EPC2: variants seen among roughly 807,000 people sequenced by gnomAD.
EPC2 encodes the protein enhancer of polycomb homolog 2.
A neutral mutation model predicts 92.1 loss-of-function variants in EPC2; 14 were observed. That is an observed-to-expected ratio of 0.15 (90% confidence interval 0.10 to 0.24). The LOEUF (loss-of-function observed/expected upper bound fraction) is 0.24. Ranked by LOEUF, EPC2 falls within the 10% of genes least tolerant of loss-of-function variation. EPC2 has a pLI of 1.00. For missense variants in EPC2, 755 were observed against 971.5 expected, an observed-to-expected ratio of 0.78 and a Z score of 2.96; for synonymous variants, 340 against 334.7, an observed-to-expected ratio of 1.02 and a Z score of -0.17.
At chr2:148,743,343 A>G (rs1255304228) in intron 2 of EPC2, among the ~76,000 whole-genome samples, 1 of 152,152 alleles carries the variant, frequency 6.6e-6, no homozygotes, top group Non-Finnish European at 1.5e-5. Flanking sequence ...GTCAACATGT[A>G]TATGTCATCT....
rs200396204 is a variant in EPC2, at chr2:148,783,737, C to T, written c.1998C>T (p.Asn666=). Residue 666 remains asparagine (N), a synonymous_variant, in exon 12 of 14, where the codon AAC becomes AAT. Transcript: ENST00000258484. ...KEQNTGHNNI[N]GVVQPSGTSK... The stretch of plus-strand genomic sequence containing the variant: ...AGAACACTGGCCACAACAACATAAA[C>T]GGTGTTGTCCAGCCTTCAGGTACAG... 2.5e-5 allele frequency: 40 copies of T among 1,591,544 alleles called. No individual in the cohort carries two copies. The highest frequency in any genetic ancestry group is 6.8e-5 in the East Asian group (3 of 44,286).
chr2:148,690,320 A>G lies in EPC2; in HGVS notation c.260A>G (p.Asn87Ser), dbSNP rs770479432. 7.4e-6 allele frequency: 12 copies of G among 1,612,332 alleles called. No individual in the cohort carries two copies. In the Admixed American group the frequency reaches 2.0e-4, roughly 27 times the overall value. The change falls in exon 2 of 14, where the codon AAT becomes AGT. Residue 87 changes from asparagine (N) to serine (S), a missense_variant. This residue lies in a region of EPC2 where 509 missense variants were observed against 607.7 expected (regional missense o/e 0.84). Coordinates refer to ENST00000258484, the MANE Select transcript of EPC2 (RefSeq NM_015630.4). ...PEAESNVNYY[N>S]RLYKGEFKQP... ...GCAGAGAGCAACGTCAACTATTACA[A>G]TCGCTTGTACAAAGGAGAGTTTAAA...
intron 1 of EPC2, among the ~76,000 whole-genome samples, chr2:148,676,130 T>G (rs1681257321): frequency 6.6e-6 from 1 of 151,936 alleles, no homozygotes; most frequent in African/African-American, 2.4e-5. Context: ...TTACTTAGTT[T>G]TTTTTTTTTT....
At chr2:148,646,418 T>A (rs527980957) in intron 1 of EPC2, among the ~76,000 whole-genome samples, 88 of 152,282 alleles carry the variant, frequency 5.8e-4, no homozygotes, top group African/African-American at 2.1e-3. Flanking sequence ...AAAATGCATA[T>A]GGCCGTAGCA....
At chr2:148,783,087 C>T (rs1274171139) in intron 11 of EPC2, among the ~76,000 whole-genome samples, 1 of 152,156 alleles carries the variant, frequency 6.6e-6, no homozygotes, top group African/African-American at 2.4e-5. Flanking sequence ...AGGACTAGGG[C>T]TGTAGGACTT....
chr2:148,702,213 A>G (rs1558814073), intron 2 of EPC2, among the ~76,000 whole-genome samples: 1 of 152,102 alleles, frequency 6.6e-6, no homozygotes, highest in Non-Finnish European at 1.5e-5. Context: ...AAAGGATTTT[A>G]TGTTTTGGTA....
intron 2 of EPC2, among the ~76,000 whole-genome samples, chr2:148,699,340 A>T (rs1681829254): frequency 6.6e-6 from 1 of 152,158 alleles, no homozygotes; most frequent in South Asian, 2.1e-4. Flanking sequence ...TTTGTATTGT[A>T]CAGTTTTATG....
Position 148,743,750 on chromosome 2 carries a change from A to G in EPC2, c.442A>G (p.Lys148Glu). ...TGAAATTATGATTGACAGACTTGAA[A>G]AAGCCAGTTCTAATCAGGTACTGTA... The part of the protein sequence containing the change: ...QFEIMIDRLE[K>E]ASSNQLVTLQ... Residue 148 changes from lysine to glutamate, a missense_variant, in exon 3 of 14, where the codon AAA becomes GAA. This residue lies in a region of EPC2 where 509 missense variants were observed against 607.7 expected (regional missense o/e 0.84). Coordinates refer to ENST00000258484, the MANE Select transcript of EPC2 (RefSeq NM_015630.4). 2 of 1,600,156 alleles carry G rather than the reference A, an allele frequency of 1.2e-6. No individual in the cohort carries two copies. The highest frequency in any genetic ancestry group is 1.7e-6 in the Non-Finnish European group (2 of 1,174,724).
chr2:148,783,955 C>T (rs780290013), intron 12 of EPC2, among the ~76,000 whole-genome samples, 199 bp downstream of exon 12: 3 of 152,226 alleles, frequency 2.0e-5, no homozygotes, highest in Non-Finnish European at 4.4e-5. Flanking sequence ...TTTTCTCCCT[C>T]ATCCATTGAA....
chr2:148,726,402 T>A (rs1682494353), intron 2 of EPC2, among the ~76,000 whole-genome samples: 1 of 152,166 alleles, frequency 6.6e-6, no homozygotes, highest in Non-Finnish European at 1.5e-5. Flanking sequence ...CCAGCGACAG[T>A]AGTACAGTAG....
chr2:148,665,171 C>G (rs370713869), intron 1 of EPC2, among the ~76,000 whole-genome samples: 64 of 152,226 alleles, frequency 4.2e-4, no homozygotes, highest in Admixed American at 1.9e-3. Context: ...TTTTTCACAA[C>G]TTTGGATCTA....
At chr2:148,671,595 C>T (rs1681156063) in intron 1 of EPC2, among the ~76,000 whole-genome samples, 1 of 152,048 alleles carries the variant, frequency 6.6e-6, no homozygotes, top group African/African-American at 2.4e-5. Flanking sequence ...GCCTGGGCAA[C>T]AGAGCAAGAC....
At chr2:148,785,472 C>T (rs573133583) in intron 13 of EPC2, among the ~76,000 whole-genome samples, 144 of 152,212 alleles carry the variant, frequency 9.5e-4, no homozygotes, top group African/African-American at 3.1e-3. Context: ...GGATTATAGG[C>T]ACATGCCACC....
intron 2 of EPC2, among the ~76,000 whole-genome samples, chr2:148,722,261 C>T (rs1035335929): frequency 8.5e-5 from 13 of 152,214 alleles, no homozygotes; most frequent in Non-Finnish European, 2.9e-5. Context: ...GTTTTTCCCC[C>T]CTTAGGGTGG....
chr2:148,689,557 C>T (rs1351110473), intron 1 of EPC2, among the ~76,000 whole-genome samples: 3 of 152,030 alleles, frequency 2.0e-5, no homozygotes, highest in Non-Finnish European at 4.4e-5. Flanking sequence ...CACGATTTAC[C>T]TTCCAAAAGG....
At chr2:148,757,033 G>A (rs754227013) in intron 4 of EPC2, among the ~76,000 whole-genome samples, 2 of 152,268 alleles carry the variant, frequency 1.3e-5, no homozygotes, top group Middle Eastern at 3.4e-3. Context: ...GAATAGGGCC[G>A]TCTTAGAAGA....
At chr2:148,665,265 A>G (rs1350814152) in intron 1 of EPC2, among the ~76,000 whole-genome samples, 1 of 152,224 alleles carries the variant, frequency 6.6e-6, no homozygotes, top group Admixed American at 6.5e-5. Flanking sequence ...GGAATGCAAA[A>G]TAATTTTAGA....
At chr2:148,731,906 T>G (rs2105398251) in intron 2 of EPC2, among the ~76,000 whole-genome samples, 1 of 152,362 alleles carries the variant, frequency 6.6e-6, no homozygotes, top group South Asian at 2.1e-4. Context: ...GCTGTTATGA[T>G]TAGAAAGGTT....
chr2:148,776,623 G>A (rs971440614), intron 10 of EPC2, among the ~76,000 whole-genome samples: 6 of 152,154 alleles, frequency 3.9e-5, no homozygotes, highest in African/African-American at 1.2e-4. Context: ...AGGATTTGAT[G>A]TAAGATCCCT....
Sources: allele counts gnomAD v4.1 joint callset (sites outside exome capture counted in the v4.1 genomes callset), GRCh38; gene constraint gnomAD v4.1.1; regional missense constraint gnomAD v4.1.1; transcripts MANE v1.5; gene names NCBI Gene and HGNC (gene_info 2026-07-23, HGNC 2026-07-21).